The following VTI1A variants were observed in gnomAD, a reference collection of about 807,000 sequenced individuals.
VTI1A encodes vesicle transport through interaction with t-SNAREs 1A, also known as vesicle transport through interaction with t-SNAREs homolog 1A.
VTI1A carries 22 observed loss-of-function variants against 34.9 expected under a neutral mutation model. That is an observed-to-expected ratio of 0.63 (90% CI 0.45 to 0.90). The LOEUF is 0.90. Among genes scored for constraint, VTI1A ranks in the 40% least tolerant of loss-of-function variants. The pLI, the probability that VTI1A is intolerant of heterozygous loss-of-function variation, is 0.00. For missense variants in VTI1A, 268 were observed against 275.6 expected (o/e 0.97, Z 0.20); for synonymous variants, 87 against 97.3 (o/e 0.89, Z 0.62).
chr10:112,753,933 A>G (rs1420507203), intron 7 of VTI1A, among the ~76,000 whole-genome samples: 1 of 152,218 alleles, frequency 6.6e-6, no homozygotes, highest in Non-Finnish European at 1.5e-5. Context: ...CATCAAGTCT[A>G]AAACTGTAAG....
chr10:112,497,803 T>C (rs1849080934), intron 3 of VTI1A, among the ~76,000 whole-genome samples: 2 of 152,192 alleles, frequency 1.3e-5, no homozygotes, highest in Admixed American at 1.3e-4. Context: ...TATTATATTT[T>C]CCAGCTCTAG....
chr10:112,688,521 CTT>C (rs59853999), intron 7 of VTI1A, among the ~76,000 whole-genome samples: 14 of 116,436 alleles, frequency 1.2e-4, no homozygotes, highest in African/African-American at 3.4e-4. Flanking sequence ...CAATTTTTTT[CTT>C]TTTTTTTTTT....
At chr10:112,805,357 C>T (rs1853036713) in intron 7 of VTI1A, among the ~76,000 whole-genome samples, 1 of 152,158 alleles carries the variant, frequency 6.6e-6, no homozygotes, top group African/African-American at 2.4e-5. Context: ...ATTCTAGTGT[C>T]TGTAAATAAA....
chr10:112,718,366 T>C (rs1849681539), intron 7 of VTI1A, among the ~76,000 whole-genome samples: 1 of 152,188 alleles, frequency 6.6e-6, no homozygotes. Flanking sequence ...GGCCCAGATT[T>C]TGGGCTCAAG....
the VTI1A span, among the ~76,000 whole-genome samples, chr10:112,840,940 G>A: frequency 6.6e-6 from 1 of 152,110 alleles, no homozygotes; most frequent in Admixed American, 6.6e-5. Context: ...GAGCTAATTG[G>A]GGTTAGATGC....
At chr10:112,631,522 C>A (rs1846130313) in intron 5 of VTI1A, among the ~76,000 whole-genome samples, 1 of 152,180 alleles carries the variant, frequency 6.6e-6, no homozygotes, top group Non-Finnish European at 1.5e-5. Flanking sequence ...CAACATGTGA[C>A]CTTTTGTGTC....
intron 5 of VTI1A, among the ~76,000 whole-genome samples, chr10:112,611,079 T>G (rs2134514371): frequency 1.3e-5 from 2 of 152,342 alleles, no homozygotes; most frequent in Admixed American, 1.3e-4. Flanking sequence ...GTAAAGAAAC[T>G]TAGAGCTACT....
At chr10:112,502,325 C>T (rs771377967) in intron 3 of VTI1A, among the ~76,000 whole-genome samples, 9 of 152,076 alleles carry the variant, frequency 5.9e-5, no homozygotes, top group East Asian at 1.9e-4. Flanking sequence ...TGAACTACTA[C>T]GCCCAGCTTC....
intron 7 of VTI1A, among the ~76,000 whole-genome samples, chr10:112,727,397 A>G (rs1420387019): frequency 6.6e-6 from 1 of 151,208 alleles, no homozygotes; most frequent in Non-Finnish European, 1.5e-5. Flanking sequence ...AGAAGAAACC[A>G]CATTTATTCC....
intron 5 of VTI1A, among the ~76,000 whole-genome samples, chr10:112,550,084 A>G (rs913346474): frequency 1.3e-5 from 2 of 152,140 alleles, no homozygotes; most frequent in Admixed American, 1.3e-4. Flanking sequence ...AAAAAGTGTT[A>G]TACTCATTTT....
At chr10:112,560,689 C>T (rs1295748685) in intron 5 of VTI1A, among the ~76,000 whole-genome samples, 3 of 151,306 alleles carry the variant, frequency 2.0e-5, no homozygotes, top group Admixed American at 6.6e-5. Context: ...TTCTGCCTCC[C>T]GGGTTCAAGT....
At chr10:112,811,100 C>A (rs923906520) in intron 7 of VTI1A, among the ~76,000 whole-genome samples, 2 of 152,140 alleles carry the variant, frequency 1.3e-5, no homozygotes, top group African/African-American at 2.4e-5. Flanking sequence ...TTATGGTATT[C>A]GGCAGTGACA....
At chr10:112,841,279 A>G in the VTI1A span, among the ~76,000 whole-genome samples, 1 of 152,176 alleles carries the variant, frequency 6.6e-6, no homozygotes, top group Non-Finnish European at 1.5e-5. Context: ...AGGGTAAGTG[A>G]CATTCTATCA....
chr10:112,830,850 T>TATATATATATATATATATATATATATA, the VTI1A span, among the ~76,000 whole-genome samples: 12 of 29,812 alleles, frequency 4.0e-4, no homozygotes, highest in South Asian at 1.5e-3. Context: ...TATATATATA[T>TATATATATATATATATATATATATATA]TTTTTTTTTT....
intron 4 of VTI1A, among the ~76,000 whole-genome samples, chr10:112,528,904 C>T (rs1589865455): frequency 2.0e-5 from 3 of 151,952 alleles, no homozygotes; most frequent in Non-Finnish European, 2.9e-5. Flanking sequence ...TCTTAATGGA[C>T]ATTTTATATG....
At chr10:112,659,913 G>A (rs1411886924) in intron 5 of VTI1A, among the ~76,000 whole-genome samples, 4 of 152,218 alleles carry the variant, frequency 2.6e-5, no homozygotes, top group Non-Finnish European at 5.9e-5. Context: ...GTATGAAGCA[G>A]TCTAATGTTG....
chr10:112,784,230 T>G (rs1488645209), intron 7 of VTI1A, among the ~76,000 whole-genome samples: 1 of 152,260 alleles, frequency 6.6e-6, no homozygotes, highest in African/African-American at 2.4e-5. Flanking sequence ...AGACCACATC[T>G]GTAGCAAATC....
chr10:112,685,628 C>T (rs763292523), intron 7 of VTI1A, among the ~76,000 whole-genome samples: 3 of 151,636 alleles, frequency 2.0e-5, no homozygotes, highest in Non-Finnish European at 4.4e-5. Context: ...GTTTCAGAAT[C>T]GCATTCTTTC....
At chr10:112,719,698 C>T (rs1214526401) in intron 7 of VTI1A, among the ~76,000 whole-genome samples, 2 of 152,158 alleles carry the variant, frequency 1.3e-5, no homozygotes, top group African/African-American at 4.8e-5. Flanking sequence ...AGGCATGCGC[C>T]ACCACACCCT....
Sources: allele counts gnomAD v4.1 joint callset (sites outside exome capture counted in the v4.1 genomes callset), GRCh38; gene constraint gnomAD v4.1.1; transcripts MANE v1.5; gene names NCBI Gene and HGNC (gene_info 2026-07-23, HGNC 2026-07-21).